The following TLE7 variants were observed in gnomAD, a reference collection of about 807,000 sequenced individuals.
TLE7 encodes the protein transducin-like enhancer protein 7.
chr16:71,440,443 A>C (rs1596988106), intron 1 of TLE7, among the ~76,000 whole-genome samples: 1 of 152,060 alleles, frequency 6.6e-6, no homozygotes, highest in Non-Finnish European at 1.5e-5. Context: ...GGGCGACTGC[A>C]CTCCAGCCTG....
intron 1 of TLE7, among the ~76,000 whole-genome samples, chr16:71,435,364 TCGTG>T (rs1365429983): frequency 6.6e-6 from 1 of 152,116 alleles, no homozygotes; most frequent in African/African-American, 2.4e-5. Flanking sequence ...TGAGCCGAGA[TCGTG>T]CCAATGCACT....
chr16:71,431,742 C>T lies in TLE7; in HGVS notation c.851+19G>A, dbSNP rs1200308532. ...CCCTCCCCCAGGTACACCTGAGTGG[C>T]TCTGGAGAGAGGTCATACCTGATCA... On this transcript the variant is annotated intron_variant, in intron 6 of 9. Coordinates refer to ENST00000561754, the MANE Select transcript of TLE7 (RefSeq NM_001367365.2). This position sits in a 1 kb window ranked among gnomAD's most constrained non-coding sequence, Gnocchi z 4.5. 8 of 400,640 alleles carry T rather than the reference C, an allele frequency of 2.0e-5. No homozygotes were observed. The highest frequency in any genetic ancestry group is 3.1e-5 in the Non-Finnish European group (7 of 226,324). The allele number at this position is 400,640 out of a possible 1,614,324, so 24.8% of individuals were successfully genotyped here.
chr16:71,441,245 T>G (rs1480772065), intron 1 of TLE7, among the ~76,000 whole-genome samples: 2 of 152,182 alleles, frequency 1.3e-5, no homozygotes. Flanking sequence ...GTAAGAAAAG[T>G]TCACTTTTTT....
chr16:71,437,010 T>C (rs1404048338), intron 1 of TLE7, among the ~76,000 whole-genome samples: 1 of 152,126 alleles, frequency 6.6e-6, no homozygotes, highest in Non-Finnish European at 1.5e-5. Context: ...TCACTTGAAG[T>C]CAGGACCAGC....
At position 71,440,771 on chromosome 16, in the gene TLE7, T is replaced by C. The variant is rs76004808; in HGVS notation, c.-97+1198A>G. 4.1e-3 allele frequency among the ~76,000 whole-genome samples: 626 copies of C among 152,246 alleles called. 7 individuals carry two copies. Among genetic ancestry groups the C allele is most frequent in the East Asian group, 0.027 (139 of 5,172 alleles). ...AGTGGGCCAACACAAAGGTCAGAGA[T>C]GGGGTCATCTGGGCAGAACTGCGAC... On this transcript the variant is annotated intron_variant, in intron 1 of 9. Transcript: ENST00000561754.
intron 1 of TLE7, among the ~76,000 whole-genome samples, chr16:71,439,491 G>A (rs912448955): frequency 6.6e-6 from 1 of 151,962 alleles, no homozygotes; most frequent in Admixed American, 6.6e-5. Context: ...ATTTGGGGGT[G>A]GTTCTGAGCT....
chr16:71,433,037 T>C lies in TLE7; in HGVS notation c.288A>G (p.Gly96=). 1 of 398,764 alleles carries C rather than the reference T, an allele frequency of 2.5e-6. No individual in the cohort carries two copies. Among genetic ancestry groups the C allele is most frequent in the East Asian group, 3.6e-5 (1 of 28,082 alleles). 24.7% of individuals were successfully genotyped at this position (398,764 alleles called of 1,614,324 possible). A position where few individuals can be genotyped will look rare whatever the true frequency, so the allele number is the denominator to read the frequency against. The stretch of plus-strand genomic sequence containing the variant: ...GCCTTGGGCTGGACTCTGCTGCTTC[T>C]CCTGGTTGTGCATCAGGGAGCCCAG... ...QAAGLPDAQP[G]EAAESSPSFL... is the part of the protein sequence containing the mutation. Residue 96 remains glycine (G), a synonymous_variant, in exon 2 of 10, where the codon GGA becomes GGG. Coordinates refer to ENST00000561754, the MANE Select transcript of TLE7 (RefSeq NM_001367365.2).
At chr16:71,434,234 C>T (rs1013024244) in intron 1 of TLE7, among the ~76,000 whole-genome samples, 1 of 152,148 alleles carries the variant, frequency 6.6e-6, no homozygotes, top group Non-Finnish European at 1.5e-5. Flanking sequence ...AAGTAGAATA[C>T]TCGGCATTGT....
At chr16:71,438,046 T>C (rs2042833050) in intron 1 of TLE7, among the ~76,000 whole-genome samples, 1 of 151,954 alleles carries the variant, frequency 6.6e-6, no homozygotes, top group African/African-American at 2.4e-5. Flanking sequence ...AAGAAACAAG[T>C]TTATTAGAAA....
intron 1 of TLE7, among the ~76,000 whole-genome samples, chr16:71,440,772 G>C (rs1172443141): frequency 2.0e-5 from 3 of 152,220 alleles, no homozygotes; most frequent in Non-Finnish European, 4.4e-5. Context: ...GGTCAGAGAT[G>C]GGGTCATCTG....
At chr16:71,438,165 G>A (rs2042833461) in intron 1 of TLE7, among the ~76,000 whole-genome samples, 1 of 152,148 alleles carries the variant, frequency 6.6e-6, no homozygotes, top group Admixed American at 6.5e-5. Context: ...GGACACAGTG[G>A]TTCACAGCCG....
intron 1 of TLE7, among the ~76,000 whole-genome samples, chr16:71,438,868 T>C (rs565283896): frequency 2.0e-5 from 3 of 152,284 alleles, no homozygotes; most frequent in Non-Finnish European, 2.9e-5. Flanking sequence ...GAGCTCAGGA[T>C]GTGCCATAGT....
At chr16:71,441,149 C>T (rs945770566) in intron 1 of TLE7, among the ~76,000 whole-genome samples, 2 of 152,244 alleles carry the variant, frequency 1.3e-5, no homozygotes, top group Admixed American at 1.3e-4. Context: ...CTCAGGAGCC[C>T]GCCGGCAACT....
intron 1 of TLE7, among the ~76,000 whole-genome samples, chr16:71,435,161 C>T: frequency 6.6e-6 from 1 of 152,166 alleles, no homozygotes. Flanking sequence ...GCCTGTAATC[C>T]CAGCACTTTG....
At chr16:71,440,763 G>A (rs1350322020) in intron 1 of TLE7, among the ~76,000 whole-genome samples, 1 of 152,300 alleles carries the variant, frequency 6.6e-6, no homozygotes, top group East Asian at 1.9e-4. Flanking sequence ...CAACACAAAG[G>A]TCAGAGATGG....
intron 8 of TLE7, 24 bp from the exon 9 acceptor site, chr16:71,430,765 G>A (rs572476893): frequency 2.5e-6 from 1 of 398,464 alleles, no homozygotes; most frequent in Admixed American, 4.4e-5. Context: ...GAACAGGTGA[G>A]AGGCCAGAGA....
intron 1 of TLE7, among the ~76,000 whole-genome samples, chr16:71,437,386 GGA>G (rs148458762): frequency 1.3e-5 from 2 of 148,750 alleles, no homozygotes; most frequent in African/African-American, 4.9e-5. Flanking sequence ...AAGGGAGGGA[GGA>G]GAGAGAGAGA....
chr16:71,441,296 G>A (rs955893033), intron 1 of TLE7, among the ~76,000 whole-genome samples: 2 of 152,242 alleles, frequency 1.3e-5, no homozygotes, highest in African/African-American at 4.8e-5. Context: ...TGTTGCCCAG[G>A]CTGGTCTTGA....
At chr16:71,436,829 C>G (rs1267383116) in intron 1 of TLE7, among the ~76,000 whole-genome samples, 1 of 152,358 alleles carries the variant, frequency 6.6e-6, no homozygotes, top group South Asian at 2.1e-4. Flanking sequence ...GAGGAACACT[C>G]TCTTTTTCGT....
Sources: allele counts gnomAD v4.1 joint callset (sites outside exome capture counted in the v4.1 genomes callset), GRCh38; gene constraint gnomAD v4.1.1; non-coding constraint Gnocchi (gnomAD v3.1); transcripts MANE v1.5; gene names NCBI Gene and HGNC (gene_info 2026-07-23, HGNC 2026-07-21).